Variants in CSMD3 observed in about 807,000 individuals in gnomAD.
The protein encoded by CSMD3 is CUB and Sushi multiple domains 3, also known as CUB and sushi domain-containing protein 3.
CSMD3 carries 177 observed loss-of-function variants against 435.2 expected under a neutral mutation model. The observed-to-expected ratio is 0.41, with a 90% CI of 0.36 to 0.46. The LOEUF is 0.46. Ranked by LOEUF, CSMD3 falls within the 20% of genes least tolerant of loss-of-function variation. CSMD3 has a pLI of 0.34. For synonymous variants in CSMD3, 1,656 were observed against 1,520.5 expected (o/e 1.09, Z -2.07); for missense variants, 4,265 against 4,504.6 (o/e 0.95, Z 1.52).
chr8:113,226,866 A>G (rs1298211002), intron 3 of CSMD3, among the ~76,000 whole-genome samples: 1 of 151,590 alleles, frequency 6.6e-6, no homozygotes, highest in African/African-American at 2.4e-5. Flanking sequence ...AAGATATAAT[A>G]AAGATAAAAT....
At chr8:112,409,990 A>C (rs1362775017) in intron 32 of CSMD3, among the ~76,000 whole-genome samples, 2 of 151,988 alleles carry the variant, frequency 1.3e-5, no homozygotes, top group Admixed American at 1.3e-4. Context: ...AATCACATGA[A>C]TTTAAATTGT....
intron 4 of CSMD3, among the ~76,000 whole-genome samples, chr8:113,154,966 A>G (rs1448995385): frequency 6.6e-6 from 1 of 152,016 alleles, no homozygotes; most frequent in Non-Finnish European, 1.5e-5. Flanking sequence ...GTTAAAATAA[A>G]TGTGCATTTT....
chr8:112,408,542 T>G, intron 33 of CSMD3, 129 bp from the exon 34 acceptor site: 1 of 722,964 alleles, frequency 1.4e-6, no homozygotes, highest in Non-Finnish European at 2.4e-6. Context: ...CTTTAAAATA[T>G]CCTACAACTA....
At chr8:113,256,960 T>C (rs2093386016) in intron 3 of CSMD3, among the ~76,000 whole-genome samples, 1 of 152,150 alleles carries the variant, frequency 6.6e-6, no homozygotes, top group Non-Finnish European at 1.5e-5. Flanking sequence ...ATAGTTCTTA[T>C]AAACACTGAA....
intron 58 of CSMD3, among the ~76,000 whole-genome samples, chr8:112,285,041 C>G (rs1314978522): frequency 6.6e-6 from 1 of 151,764 alleles, no homozygotes; most frequent in Non-Finnish European, 1.5e-5. Flanking sequence ...TATCCTTTAT[C>G]CATTCGTCTA....
At chr8:112,359,706 G>A (rs1826997742) in intron 38 of CSMD3, among the ~76,000 whole-genome samples, 1 of 151,992 alleles carries the variant, frequency 6.6e-6, no homozygotes, top group African/African-American at 2.4e-5. Flanking sequence ...TAAAGATCAG[G>A]AGTAAAGTGG....
intron 13 of CSMD3, among the ~76,000 whole-genome samples, chr8:112,724,901 T>A (rs910139353): frequency 6.6e-6 from 1 of 152,040 alleles, no homozygotes; most frequent in African/African-American, 2.4e-5. Flanking sequence ...AGATAAATAC[T>A]GCTGATCTGT....
chr8:112,598,477 A>C (rs377201552), intron 22 of CSMD3, among the ~76,000 whole-genome samples: 465 of 146,616 alleles, frequency 3.2e-3, no homozygotes, highest in African/African-American at 9.5e-3. Context: ...CCATCCCCAT[A>C]AAGCTACCAA....
chr8:112,594,450 C>A (rs1318186149), intron 22 of CSMD3, among the ~76,000 whole-genome samples: 1 of 152,172 alleles, frequency 6.6e-6, no homozygotes, highest in Non-Finnish European at 1.5e-5. Context: ...GAGGGGCGCC[C>A]GCCATTGCCC....
intron 6 of CSMD3, among the ~76,000 whole-genome samples, chr8:112,988,155 A>G (rs750341598): frequency 9.2e-5 from 14 of 151,990 alleles, no homozygotes; most frequent in Non-Finnish European, 1.9e-4. Flanking sequence ...ACAAAGGCCT[A>G]TTGGATTCTT....
intron 3 of CSMD3, among the ~76,000 whole-genome samples, chr8:113,261,321 A>G (rs2093425621): frequency 6.6e-6 from 1 of 152,146 alleles, no homozygotes; most frequent in African/African-American, 2.4e-5. Flanking sequence ...CAGGGACTTC[A>G]TAATTATCAA....
At chr8:112,642,284 A>AT (rs946172269) in intron 20 of CSMD3, among the ~76,000 whole-genome samples, 4 of 151,834 alleles carry the variant, frequency 2.6e-5, no homozygotes, top group Non-Finnish European at 5.9e-5. Context: ...CCTGATGTAC[A>AT]TTTTTTTCTC....
intron 22 of CSMD3, among the ~76,000 whole-genome samples, chr8:112,596,632 C>G (rs1831749759): frequency 6.6e-6 from 1 of 151,886 alleles, no homozygotes; most frequent in African/African-American, 2.4e-5. Context: ...CTCTCCTCAG[C>G]AAATGTAAAA....
chr8:112,732,409 A>T (rs1180946183), intron 13 of CSMD3, among the ~76,000 whole-genome samples: 1 of 152,076 alleles, frequency 6.6e-6, no homozygotes, highest in Admixed American at 6.6e-5. Flanking sequence ...TTGTTTAATT[A>T]TATTAATTTG....
chr8:113,264,075 A>C (rs2093448733), intron 3 of CSMD3, among the ~76,000 whole-genome samples: 1 of 151,326 alleles, frequency 6.6e-6, no homozygotes, highest in Non-Finnish European at 1.5e-5. Context: ...AATTCATTTC[A>C]AGTTTATTTT....
intron 3 of CSMD3, among the ~76,000 whole-genome samples, chr8:113,182,370 A>G (rs528358532): frequency 1.3e-5 from 2 of 152,148 alleles, no homozygotes; most frequent in South Asian, 2.1e-4. Flanking sequence ...TATATGCAGA[A>G]TAAGTTGCTT....
chr8:112,231,729 T>C, intron 68 of CSMD3, 97 bp from the exon 69 acceptor site: 1 of 823,198 alleles, frequency 1.2e-6, no homozygotes, highest in Non-Finnish European at 2.1e-6. Context: ...AAAGAAATAT[T>C]ATCACAAGTT....
At chr8:112,876,858 C>A (rs2081297339) in intron 10 of CSMD3, among the ~76,000 whole-genome samples, 1 of 152,062 alleles carries the variant, frequency 6.6e-6, no homozygotes, top group East Asian at 1.9e-4. Flanking sequence ...TTTACAAAAC[C>A]CCATTGTCTC....
At chr8:112,726,520 A>G (rs2076967525) in intron 13 of CSMD3, among the ~76,000 whole-genome samples, 1 of 151,940 alleles carries the variant, frequency 6.6e-6, no homozygotes, top group Non-Finnish European at 1.5e-5. Context: ...AGGTATATAT[A>G]TAAAAGAGAA....
Sources: allele counts gnomAD v4.1 joint callset (sites outside exome capture counted in the v4.1 genomes callset), GRCh38; gene constraint gnomAD v4.1.1; transcripts MANE v1.5; gene names NCBI Gene and HGNC (gene_info 2026-07-23, HGNC 2026-07-21).